Variants in ZNF114 observed in about 807,000 individuals in gnomAD.
ZNF114 encodes the protein zinc finger protein 114 (Y18).
A neutral mutation model predicts 6.8 loss-of-function variants in ZNF114; 8 were observed. That is an observed-to-expected ratio of 1.18 (90% confidence interval 0.69 to 2.13). ZNF114 has a LOEUF of 2.13. Ranked by LOEUF, ZNF114 falls within the 30% of genes most tolerant of loss-of-function variation. The probability of loss-of-function intolerance (pLI) is 0.00; values close to 1 mark genes in which losing one functional copy is unlikely to be tolerated. For synonymous variants in ZNF114, 169 were observed against 185.5 expected (o/e 0.91, Z 0.72); for missense variants, 472 against 519.5 (o/e 0.91, Z 0.89).
At position 48,286,863 on chromosome 19, in the gene ZNF114, G is replaced by C. The variant is rs1366620779; in HGVS notation, c.1239G>C (p.Glu413Asp). 1 of 1,560,018 alleles carries C rather than the reference G, an allele frequency of 6.4e-7. No individual in the cohort carries two copies. Among genetic ancestry groups the C allele is most frequent in the Admixed American group, 2.2e-5 (1 of 46,136 alleles). The change falls in exon 6 of 6, where the codon GAG becomes GAC. Residue 413 changes from glutamate to aspartate, a missense_variant. By Grantham distance (45) the Glu-to-Asp change is conservative (BLOSUM62 2). Coordinates refer to ENST00000595607, the MANE Select transcript of ZNF114 (RefSeq NM_153608.4). The stretch of plus-strand genomic sequence containing the variant: ...AACATCTTAAGACTCACAAAGATGA[G>C]AAGCCCTGTGAATGAAAGGAAGGTG... ...LKKHLKTHKD[E>D]KPCE
At chr19:48,275,011 T>G (rs1967786970) in intron 3 of ZNF114, among the ~76,000 whole-genome samples, 1 of 150,598 alleles carries the variant, frequency 6.6e-6, no homozygotes, top group African/African-American at 2.4e-5. Flanking sequence ...GCACGGTGAC[T>G]CACGCCTGTG....
Position 48,285,869 on chromosome 19 carries a change from A to G in ZNF114, c.245A>G (p.Gln82Arg), listed in dbSNP as rs775216389. ...NRVCLTSISS[Q>R]HSTLREDWRC... is the part of the protein sequence containing the mutation. ...GTGTGTCTCACGAGCATCAGTTCCC[A>G]GCACTCCACATTAAGAGAAGACTGG... The change falls in exon 6 of 6, where the codon CAG becomes CGG. Residue 82 changes from glutamine (Q) to arginine (R), a missense_variant. Coordinates refer to ENST00000595607, the MANE Select transcript of ZNF114 (RefSeq NM_153608.4). 1.2e-6 allele frequency: 2 copies of G among 1,614,218 alleles called. No homozygotes were observed. The highest frequency in any genetic ancestry group is 1.7e-6 in the Non-Finnish European group (2 of 1,180,034).
intron 5 of ZNF114, among the ~76,000 whole-genome samples, chr19:48,282,860 A>G (rs1242579659): frequency 1.3e-5 from 2 of 151,514 alleles, no homozygotes; most frequent in Admixed American, 1.3e-4. Context: ...ATACAGGTGC[A>G]CACCACCACA....
intron 3 of ZNF114, among the ~76,000 whole-genome samples, chr19:48,277,939 A>AT (rs967155016): frequency 1.1e-4 from 17 of 147,890 alleles, no homozygotes; most frequent in East Asian, 2.0e-4. Flanking sequence ...TATATTTGAA[A>AT]TTTTTTTTTT....
chr19:48,286,812 CTT>C lies in ZNF114; in HGVS notation c.1190_1191del (p.Phe397CysfsTer7), dbSNP rs1968145767. 2 of 1,601,604 alleles carry C rather than the reference CTT, an allele frequency of 1.2e-6. No homozygotes were observed. Among genetic ancestry groups the C allele is most frequent in the African/African-American group, 1.4e-5 (1 of 74,026 alleles). On this transcript the variant is annotated frameshift_variant, in exon 6 of 6. Coordinates refer to ENST00000595607, the MANE Select transcript of ZNF114 (RefSeq NM_153608.4). LOFTEE classifies it low-confidence loss of function (END_TRUNC). ...ATAAATGTAAGACATGTGGAAAAGA[CTT>C]TGCAAAGTCGTCAGGACTTAAAAAA... ...PYKCKTCGKD[F>X]AKSSGLKKHL...
In ZNF114 at chr19:48,285,959, C is replaced by T; in HGVS notation, c.335C>T (p.Ala112Val). ...GVNNVKPPAV[A>V]PEKDESPVSI... ...AATAATGTGAAGCCACCTGCAGTTG[C>T]CCCTGAGAAAGATGAATCTCCTGTT... The change falls in exon 6 of 6, where the codon GCC becomes GTC. Residue 112 changes from alanine to valine, a missense_variant. Coordinates refer to ENST00000595607, the MANE Select transcript of ZNF114 (RefSeq NM_153608.4). 1 of 1,613,904 alleles carries T rather than the reference C, an allele frequency of 6.2e-7. No homozygotes were observed. Among genetic ancestry groups the T allele is most frequent in the Non-Finnish European group, 8.5e-7 (1 of 1,180,006 alleles).
rs1182388152 is a variant in ZNF114 at position 48,286,732 on chromosome 19, A to G, written c.1108A>G (p.Ile370Val). 2 of 1,613,856 alleles carry G rather than the reference A, an allele frequency of 1.2e-6. No homozygotes were observed. Among genetic ancestry groups the G allele is most frequent in the Non-Finnish European group, 1.7e-6 (2 of 1,179,978 alleles). Residue 370 changes from isoleucine (I) to valine (V), a missense_variant, in exon 6 of 6, where the codon ATT (isoleucine) becomes GTT (valine). By Grantham distance (29) the Ile-to-Val change is conservative. Coordinates refer to ENST00000595607, the MANE Select transcript of ZNF114 (RefSeq NM_153608.4). The part of the protein sequence containing the change: ...PYECEECGKV[I>V]RESSKYTHIR... ...CGAATGTGAAGAATGTGGGAAAGTC[A>G]TTCGGGAGTCCTCAAAATATACACA...
In ZNF114 at chr19:48,279,793, G is replaced by A. The variant is rs976844800; in HGVS notation, c.-7G>A. 25 of 1,613,884 alleles carry A rather than the reference G, an allele frequency of 1.5e-5. No homozygotes were observed. Among genetic ancestry groups the A allele is most frequent in the Non-Finnish European group, 2.1e-5 (25 of 1,179,944 alleles). Reference sequence around the variant, plus strand: ...AGCCAGGACTGGCCGTCACGTTGGTGACAAATATGTCCCAGGTAAGTTGGC... The same window carrying A: ...AGCCAGGACTGGCCGTCACGTTGGTAACAAATATGTCCCAGGTAAGTTGGC... On this transcript the variant is annotated 5_prime_UTR_variant, in exon 4 of 6. Transcript: ENST00000595607.
intron 3 of ZNF114, among the ~76,000 whole-genome samples, chr19:48,279,335 C>T (rs919684704): frequency 2.0e-5 from 3 of 147,890 alleles, no homozygotes; most frequent in Non-Finnish European, 4.5e-5. Flanking sequence ...AAGTTTGAGG[C>T]TGTAGTGAGC....
In ZNF114 at chr19:48,282,467, C is replaced by A. The variant is rs745590176; in HGVS notation, c.106C>A (p.Leu36Met). ...GAGGAATCTCTACAGAGACGTGATG[C>A]TGGAAAATTCTAGGAACTTGGCATT... ...AQRNLYRDVMLENSRNLAFID... is the reference protein window; with the variant it reads ...AQRNLYRDVMMENSRNLAFID... The change falls in exon 5 of 6, where the codon CTG (leucine) becomes ATG (methionine). Residue 36 changes from leucine to methionine, a missense_variant. Transcript: ENST00000595607. 8.1e-6 allele frequency: 13 copies of A among 1,609,934 alleles called. No homozygotes were observed. Among genetic ancestry groups the A allele is most frequent in the Non-Finnish European group, 1.1e-5 (13 of 1,177,376 alleles).
chr19:48,276,535 T>C (rs1268718386), intron 3 of ZNF114, among the ~76,000 whole-genome samples: 2 of 152,144 alleles, frequency 1.3e-5, no homozygotes, highest in African/African-American at 4.8e-5. Context: ...TGATTTTTTT[T>C]TGTTGAGATA....
chr19:48,276,897 G>A (rs1967850828), intron 3 of ZNF114, among the ~76,000 whole-genome samples: 1 of 152,220 alleles, frequency 6.6e-6, no homozygotes, highest in South Asian at 2.1e-4. Context: ...GGTGGCTCAC[G>A]CCTGTAATCC....
At chr19:48,278,485 G>A (rs758029120) in intron 3 of ZNF114, among the ~76,000 whole-genome samples, 2 of 152,070 alleles carry the variant, frequency 1.3e-5, no homozygotes, top group African/African-American at 4.8e-5. Context: ...GTCTGGCTTC[G>A]TTCACTCAGC....
At chr19:48,277,794 G>GGGGTGTGTGTGTGTGTGTGTGTGTGT (rs1330052475) in intron 3 of ZNF114, among the ~76,000 whole-genome samples, 1,887 of 119,342 alleles carry the variant, frequency 0.016, 71 homozygotes, top group South Asian at 0.035. Flanking sequence ...GGAGGCATTG[G>GGGGTGTGTGTGTGTGTGTGTGTGTGT]GTGTGTGTGT....
intron 3 of ZNF114, among the ~76,000 whole-genome samples, chr19:48,274,135 CAT>C (rs932163966): frequency 1.3e-5 from 2 of 151,374 alleles, no homozygotes; most frequent in Non-Finnish European, 2.9e-5. Context: ...TATATACACA[CAT>C]ATATTTATGT....
intron 5 of ZNF114, among the ~76,000 whole-genome samples, chr19:48,284,569 T>C (rs1309639619): frequency 6.6e-6 from 1 of 152,114 alleles, no homozygotes; most frequent in African/African-American, 2.4e-5. Context: ...TAGCTGGGAT[T>C]ACAGGCACAC....
intron 4 of ZNF114, among the ~76,000 whole-genome samples, chr19:48,280,073 C>A (rs1007710334): frequency 3.9e-5 from 6 of 152,184 alleles, no homozygotes; most frequent in African/African-American, 1.2e-4. Flanking sequence ...CTGCAAAGCA[C>A]ACTAAGAAAG....
chr19:48,287,103 C>A lies in ZNF114; in HGVS notation c.*225C>A. 1 of 388,026 alleles carries A rather than the reference C, an allele frequency of 2.6e-6. No individual in the cohort carries two copies. Among genetic ancestry groups the A allele is most frequent in the Admixed American group, 4.3e-5 (1 of 23,508 alleles). The allele number at this position is 388,026 out of a possible 1,614,324, so 24.0% of individuals were successfully genotyped here. A position where few individuals can be genotyped will look rare whatever the true frequency, so the allele number is the denominator to read the frequency against. On this transcript the variant is annotated 3_prime_UTR_variant, in exon 6 of 6. Transcript: ENST00000595607. ...TTGTTCTCACCCTGGAGAGAAACTGCGAATCTAAAAGGAATATGACAAAGC... is the reference window on the plus strand; with the variant it reads ...TTGTTCTCACCCTGGAGAGAAACTGAGAATCTAAAAGGAATATGACAAAGC...
chr19:48,286,988 A>G lies in ZNF114; in HGVS notation c.*110A>G. 8.6e-7 allele frequency: 1 copy of G among 1,168,748 alleles called. No homozygotes were observed. The highest frequency in any genetic ancestry group is 1.2e-6 in the Non-Finnish European group (1 of 861,516). The allele number at this position is 1,168,748 out of a possible 1,614,324, so 72.4% of individuals were successfully genotyped here. A position where few individuals can be genotyped will look rare whatever the true frequency, so the allele number is the denominator to read the frequency against. The stretch of plus-strand genomic sequence containing the variant: ...GCATGAGTGAGAACATCTTCCCTGA[A>G]CTCTCGTATCTTACAGAAATGTGAA... On this transcript the variant is annotated 3_prime_UTR_variant, in exon 6 of 6. Coordinates refer to ENST00000595607, the MANE Select transcript of ZNF114 (RefSeq NM_153608.4).
Sources: gnomAD v4.1 joint callset for allele counts (sites outside exome capture counted in the v4.1 genomes callset) on GRCh38, gnomAD v4.1.1 for gene constraint, MANE v1.5 for transcripts, NCBI Gene and HGNC (gene_info 2026-07-23, HGNC 2026-07-21) for gene names.